GUCA1A: variants seen among roughly 807,000 people sequenced by gnomAD.
GUCA1A encodes the protein guanylyl cyclase-activating protein 1.
A neutral mutation model predicts 18.5 loss-of-function variants in GUCA1A; 14 were observed. The observed-to-expected ratio is 0.76, with a 90% CI of 0.50 to 1.18. GUCA1A has a LOEUF of 1.18. Among genes scored for constraint, GUCA1A ranks in the 50% most tolerant of loss-of-function variants. The pLI, the probability that GUCA1A is intolerant of heterozygous loss-of-function variation, is 0.00. For synonymous variants in GUCA1A, 97 were observed against 100.2 expected (o/e 0.97, Z 0.19); for missense variants, 264 against 262.4 (o/e 1.01, Z -0.04).
chr6:42,176,353 A>C (rs1438731682), intron 1 of GUCA1A, among the ~76,000 whole-genome samples: 1 of 152,230 alleles, frequency 6.6e-6, no homozygotes, highest in African/African-American at 2.4e-5. Context: ...TGTCATCAGC[A>C]TGGAGCAGTT....
intron 1 of GUCA1A, 110 bp downstream of exon 1, chr6:42,173,924 G>A (rs1767884496): frequency 1.3e-6 from 1 of 790,368 alleles, no homozygotes; most frequent in African/African-American, 1.7e-5. Context: ...TGTCCGCTGG[G>A]GAGCAACTTC....
chr6:42,179,041 G>A (rs1410603322), intron 3 of GUCA1A, 146 bp downstream of exon 3: 2 of 872,326 alleles, frequency 2.3e-6, no homozygotes, highest in East Asian at 2.5e-5. Flanking sequence ...ACCTGCCTCT[G>A]CCCCAGCCAC....
rs1447235684 is a variant in GUCA1A at position 42,179,297 on chromosome 6, T to C, written c.500T>C (p.Leu167Pro). The C allele has an allele frequency of 1.2e-6, 2 of 1,613,820 alleles. No individual in the cohort carries two copies. The highest frequency in any genetic ancestry group is 1.7e-6 in the Non-Finnish European group (2 of 1,179,722). The change falls in exon 4 of 4, where the codon CTG becomes CCG. Residue 167 changes from leucine to proline, a missense_variant. Leu to Pro is a moderately conservative substitution (Grantham distance 98). Coordinates refer to ENST00000372958, the MANE Select transcript of GUCA1A (RefSeq NM_001384910.1). The part of the protein sequence containing the change: ...IEGVQKDQML[L>P]DTLTRSLDLT... Reference sequence around the variant, plus strand: ...GGCGTCCAGAAGGACCAGATGCTCCTGGACACACTGACACGAAGCCTGGAC... The same window carrying C: ...GGCGTCCAGAAGGACCAGATGCTCCCGGACACACTGACACGAAGCCTGGAC...
intron 3 of GUCA1A, 56 bp downstream of exon 3, chr6:42,178,951 A>G: frequency 7.6e-7 from 1 of 1,320,392 alleles, no homozygotes; most frequent in South Asian, 1.2e-5. Context: ...ATGTGGGGTC[A>G]CCAGGGGTGG....
rs1256104809 is a variant in GUCA1A, at chr6:42,178,793, C to G, written c.352-9C>G. The G allele has an allele frequency of 6.2e-7, 1 of 1,604,076 alleles. No homozygotes were observed. The highest frequency in any genetic ancestry group is 2.2e-5 in the East Asian group (1 of 44,870). ...GCCCCTCTCACTTCTGCCCCTTCTT[C>G]CCTCCCAGGCCATTCGCGCCATTAA... On this transcript the variant is annotated splice_polypyrimidine_tract_variant and intron_variant, in intron 2 of 3. Transcript: ENST00000372958.
Position 42,173,481 on chromosome 6 carries a change from C to G in GUCA1A, c.-133C>G, listed in dbSNP as rs1767861436. The G allele has an allele frequency of 4.1e-6, 3 of 724,958 alleles. No individual in the cohort carries two copies. Among genetic ancestry groups the G allele is most frequent in the Non-Finnish European group, 7.4e-6 (3 of 403,640 alleles). The allele number at this position is 724,958 out of a possible 1,614,324, so 44.9% of individuals were successfully genotyped here. On this transcript the variant is annotated 5_prime_UTR_variant, in exon 1 of 4. Transcript: ENST00000372958. Reference sequence around the variant, plus strand: ...CCGGTACCATCTGATCCATCAGGCCCTTCTTTGCTCAGGCCTGAAGGACTC... The same window carrying G: ...CCGGTACCATCTGATCCATCAGGCCGTTCTTTGCTCAGGCCTGAAGGACTC...
chr6:42,176,709 C>CA (rs1562058463), intron 1 of GUCA1A, among the ~76,000 whole-genome samples: 1 of 152,202 alleles, frequency 6.6e-6, no homozygotes, highest in African/African-American at 2.4e-5. Context: ...GCTGGGATTA[C>CA]AGGTGTGAGC....
At position 42,178,833 on chromosome 6, in the gene GUCA1A, C is replaced by A. The variant is rs1461504243; in HGVS notation, c.383C>A (p.Thr128Asn). The A allele has an allele frequency of 6.2e-7, 1 of 1,613,682 alleles. No homozygotes were observed. Among genetic ancestry groups the A allele is most frequent in the Non-Finnish European group, 8.5e-7 (1 of 1,179,578 alleles). The change falls in exon 3 of 4, where the codon ACC (threonine) becomes AAC (asparagine). Residue 128 changes from threonine to asparagine, a missense_variant. Physicochemically the swap from Thr to Asn is moderately conservative, Grantham distance 65. Transcript: ENST00000372958. Reference protein sequence around the residue: ...AIRAINPCSDTTMTAEEFTDT... With the variant: ...AIRAINPCSDNTMTAEEFTDT... ...CGCGCCATTAACCCCTGCAGCGATA[C>A]CACCATGACTGCAGAGGAGTTCACC...
At chr6:42,175,355 T>C (rs1767928116) in intron 1 of GUCA1A, among the ~76,000 whole-genome samples, 1 of 34,258 alleles carries the variant, frequency 2.9e-5, no homozygotes, top group Non-Finnish European at 5.2e-5. Flanking sequence ...AATCATGTCT[T>C]TTTTTTTTTT....
Position 42,173,669 on chromosome 6 carries a change from A to G in GUCA1A, c.56A>G (p.His19Arg), listed in dbSNP as rs771150291. 2.5e-6 allele frequency: 4 copies of G among 1,614,162 alleles called. No individual in the cohort carries two copies. Among genetic ancestry groups the G allele is most frequent in the East Asian group, 2.2e-5 (1 of 44,882 alleles). Residue 19 changes from histidine to arginine, a missense_variant, in exon 1 of 4, where the codon CAC (histidine) becomes CGC (arginine). Transcript: ENST00000372958. Reference protein sequence around the residue: ...SVEELSSTECHQWYKKFMTEC... With the variant: ...SVEELSSTECRQWYKKFMTEC... Reference sequence around the variant, plus strand: ...GAGGAGCTGAGCAGCACCGAGTGCCACCAGTGGTACAAGAAGTTCATGACT... The same window carrying G: ...GAGGAGCTGAGCAGCACCGAGTGCCGCCAGTGGTACAAGAAGTTCATGACT...
Position 42,173,413 on chromosome 6 carries a change from G to A in GUCA1A, c.-201G>A, listed in dbSNP as rs912103969. On this transcript the variant is annotated 5_prime_UTR_variant, in exon 1 of 4. Transcript: ENST00000372958. ...TCTGGCATCTGTGAGTTTGAGTGTG[G>A]GCCATCATCTTCTTCCTTCTGCTCT... 1.6e-5 allele frequency: 10 copies of A among 624,044 alleles called. No homozygotes were observed. Among genetic ancestry groups the A allele is most frequent in the Non-Finnish European group, 2.6e-5 (9 of 347,664 alleles). 38.7% of individuals were successfully genotyped at this position (624,044 alleles called of 1,614,324 possible).
chr6:42,179,066 G>C (rs1768042141), intron 3 of GUCA1A, among the ~76,000 whole-genome samples, 171 bp downstream of exon 3: 2 of 151,802 alleles, frequency 1.3e-5, no homozygotes. Flanking sequence ...TTGGCTTTTA[G>C]GGGCCCCTGG....
Position 42,178,862 on chromosome 6 carries a change from A to T in GUCA1A, c.412A>T (p.Thr138Ser). The T allele has an allele frequency of 6.2e-7, 1 of 1,613,462 alleles. No individual in the cohort carries two copies. Among genetic ancestry groups the T allele is most frequent in the Non-Finnish European group, 8.5e-7 (1 of 1,179,446 alleles). The change falls in exon 3 of 4, where the codon ACA (threonine) becomes TCA (serine). Residue 138 changes from threonine to serine, a missense_variant. Thr to Ser is a moderately conservative substitution (Grantham distance 58). Coordinates refer to ENST00000372958, the MANE Select transcript of GUCA1A (RefSeq NM_001384910.1). ...TTMTAEEFTD[T>S]VFSKIDVNGD... ...CATGACTGCAGAGGAGTTCACCGAT[A>T]CAGTGTTCTCCAAGATTGACGTCAA...
At chr6:42,176,331 G>C (rs761660844) in intron 1 of GUCA1A, among the ~76,000 whole-genome samples, 5 of 152,190 alleles carry the variant, frequency 3.3e-5, no homozygotes, top group Non-Finnish European at 7.3e-5. Flanking sequence ...GCATAATACT[G>C]TCTTGACCCA....
At chr6:42,178,950 C>T (rs1223355366) in intron 3 of GUCA1A, 55 bp downstream of exon 3, 1 of 1,331,936 alleles carries the variant, frequency 7.5e-7, no homozygotes, top group Non-Finnish European at 1.1e-6. Context: ...GATGTGGGGT[C>T]ACCAGGGGTG....
rs767756887 is a variant in GUCA1A, at chr6:42,178,810, C to A, written c.360C>A (p.Arg120=). 6.2e-7 allele frequency: 1 copy of A among 1,612,240 alleles called. No homozygotes were observed. The highest frequency in any genetic ancestry group is 8.5e-7 in the Non-Finnish European group (1 of 1,178,306). Residue 120 remains arginine, a synonymous_variant, in exon 3 of 4, where the codon CGC becomes CGA. Transcript: ENST00000372958. ...CCCTTCTTCCCTCCCAGGCCATTCG[C>A]GCCATTAACCCCTGCAGCGATACCA... ...DELLTIIQAI[R]AINPCSDTTM...
chr6:42,174,157 A>C (rs904376150), intron 1 of GUCA1A, among the ~76,000 whole-genome samples: 3 of 152,216 alleles, frequency 2.0e-5, no homozygotes, highest in African/African-American at 7.2e-5. Flanking sequence ...CCTCTGCCAC[A>C]GGCATATCTT....
At chr6:42,175,422 G>A (rs527818197) in intron 1 of GUCA1A, among the ~76,000 whole-genome samples, 1 of 139,482 alleles carries the variant, frequency 7.2e-6, no homozygotes, top group South Asian at 2.3e-4. Flanking sequence ...GTGCAGTGGC[G>A]TGATCTCGGC....
At position 42,179,829 on chromosome 6, in the gene GUCA1A, G is replaced by C. The variant is rs1768071734; in HGVS notation, c.*426G>C. On this transcript the variant is annotated 3_prime_UTR_variant, in exon 4 of 4. Coordinates refer to ENST00000372958, the MANE Select transcript of GUCA1A (RefSeq NM_001384910.1). The stretch of plus-strand genomic sequence containing the variant: ...TCCAGTGGCTGCAGCTTCAATCCCA[G>C]TGCTGCAATCACACATCCATTCTGC... 6.4e-6 allele frequency: 1 copy of C among 156,828 alleles called. No individual in the cohort carries two copies. Among genetic ancestry groups the C allele is most frequent in the Non-Finnish European group, 1.4e-5 (1 of 71,340 alleles). 9.7% of individuals were successfully genotyped at this position (156,828 alleles called of 1,614,324 possible). A position where few individuals can be genotyped will look rare whatever the true frequency, so the allele number is the denominator to read the frequency against.
Sources: allele counts gnomAD v4.1 joint callset (sites outside exome capture counted in the v4.1 genomes callset), GRCh38; gene constraint gnomAD v4.1.1; transcripts MANE v1.5; gene names NCBI Gene and HGNC (gene_info 2026-07-23, HGNC 2026-07-21).